FAM169A: variants seen among roughly 807,000 people sequenced by gnomAD.
The protein encoded by FAM169A is family with sequence similarity 169 member A, also known as soluble lamin-associated protein of 75 kDa.
A neutral mutation model predicts 75.7 loss-of-function variants in FAM169A; 24 were observed. The observed-to-expected ratio is 0.32, with a 90% CI of 0.23 to 0.45. FAM169A has a LOEUF of 0.45. Ranked by LOEUF, FAM169A falls within the 20% of genes least tolerant of loss-of-function variation. The pLI is 1.00. For missense variants in FAM169A, 673 were observed against 784.0 expected, an observed-to-expected ratio of 0.86 and a Z score of 1.69; for synonymous variants, 271 against 271.0, an observed-to-expected ratio of 1.00 and a Z score of 0.00.
chr5:74,860,291 A>G (rs1373696560), intron 1 of FAM169A, among the ~76,000 whole-genome samples: 2 of 152,242 alleles, frequency 1.3e-5, no homozygotes, highest in Non-Finnish European at 2.9e-5. Context: ...ACATGTATAA[A>G]AGCTTTTAGA....
At chr5:74,847,162 C>T (rs910740780) in intron 1 of FAM169A, among the ~76,000 whole-genome samples, 1 of 152,158 alleles carries the variant, frequency 6.6e-6, no homozygotes, top group African/African-American at 2.4e-5. Context: ...ACAAAATTTA[C>T]CATTTTAACC....
intron 4 of FAM169A, among the ~76,000 whole-genome samples, chr5:74,835,785 T>G (rs1266033418): frequency 6.6e-6 from 1 of 152,184 alleles, no homozygotes; most frequent in East Asian, 1.9e-4. Flanking sequence ...AGCAGCCGAC[T>G]AGCAATAGCT....
intron 5 of FAM169A, among the ~76,000 whole-genome samples, chr5:74,822,313 T>C (rs752617724): frequency 6.6e-6 from 1 of 152,226 alleles, no homozygotes; most frequent in African/African-American, 2.4e-5. Flanking sequence ...TTTTTCATTA[T>C]TTTGTAAAGA....
intron 1 of FAM169A, among the ~76,000 whole-genome samples, chr5:74,854,885 C>G (rs552057465): frequency 2.5e-4 from 38 of 152,270 alleles, no homozygotes; most frequent in African/African-American, 7.9e-4. Flanking sequence ...GCTTTCAAAT[C>G]TTAGCTATTA....
chr5:74,800,036 C>T (rs544976163), intron 10 of FAM169A: 5 of 744,126 alleles, frequency 6.7e-6, no homozygotes, highest in East Asian at 2.8e-5. Flanking sequence ...CTACTGGCAT[C>T]GATGGAGAGC....
chr5:74,814,759 A>AC (rs1481621233), intron 5 of FAM169A, among the ~76,000 whole-genome samples: 1 of 152,226 alleles, frequency 6.6e-6, no homozygotes, highest in Non-Finnish European at 1.5e-5. Context: ...CTGGGTTTTG[A>AC]CCATTCCAAT....
chr5:74,841,199 TG>T (rs1456420758), intron 2 of FAM169A, among the ~76,000 whole-genome samples: 1 of 152,230 alleles, frequency 6.6e-6, no homozygotes, highest in African/African-American at 2.4e-5. Context: ...ACAAAAAATA[TG>T]TAATTTAGTG....
In FAM169A at chr5:74,798,619, T is replaced by A. The variant is rs1307206221; in HGVS notation, c.1103+2261A>T. Among the ~76,000 whole-genome samples the A allele has an allele frequency of 5.3e-5, 8 of 152,340 alleles. No individual in the cohort carries two copies. The East Asian group carries it at 1.5e-3, about 29-fold the overall frequency. On this transcript the variant is annotated intron_variant, in intron 10 of 12. Coordinates refer to ENST00000687041, the MANE Select transcript of FAM169A (RefSeq NM_001376049.1). ...GACTAAAATAATTTGACAGTTAAAA[T>A]GGCAAAGTTATGAATTAACTAAATG...
chr5:74,800,286 C>A (rs769689517), intron 10 of FAM169A, among the ~76,000 whole-genome samples: 1 of 151,344 alleles, frequency 6.6e-6, no homozygotes, highest in Non-Finnish European at 1.5e-5. Context: ...CAATTTCATT[C>A]CATTCTTGAC....
chr5:74,857,574 A>C (rs1249512856), intron 1 of FAM169A, among the ~76,000 whole-genome samples: 1 of 62,210 alleles, frequency 1.6e-5, no homozygotes, highest in African/African-American at 8.0e-5. Context: ...TGCCGCGGGA[A>C]AAAAAAAAAA....
chr5:74,812,333 T>C (rs1747240040), intron 6 of FAM169A, among the ~76,000 whole-genome samples: 1 of 152,006 alleles, frequency 6.6e-6, no homozygotes, highest in Non-Finnish European at 1.5e-5. Context: ...TACCATGTTG[T>C]CCAGGCTGGT....
At chr5:74,863,360 T>C (rs559953826) in intron 1 of FAM169A, among the ~76,000 whole-genome samples, 1 of 152,188 alleles carries the variant, frequency 6.6e-6, no homozygotes, top group Admixed American at 6.5e-5. Flanking sequence ...GAGCTAAATA[T>C]ACAAAAAATA....
intron 9 of FAM169A, among the ~76,000 whole-genome samples, chr5:74,801,267 T>C (rs1387770033): frequency 1.3e-5 from 2 of 152,252 alleles, no homozygotes; most frequent in South Asian, 2.1e-4. Flanking sequence ...TCACGTTCCA[T>C]GTTATCTTGG....
intron 11 of FAM169A, among the ~76,000 whole-genome samples, chr5:74,787,684 G>C (rs112292120): frequency 6.6e-6 from 1 of 152,168 alleles, no homozygotes; most frequent in Admixed American, 6.5e-5. Flanking sequence ...CAAATGCAAG[G>C]TGGGCGAGCT....
At chr5:74,813,527 T>C (rs1044359525) in intron 6 of FAM169A, among the ~76,000 whole-genome samples, 3 of 152,084 alleles carry the variant, frequency 2.0e-5, no homozygotes, top group African/African-American at 7.2e-5. Flanking sequence ...AGTTTCATCA[T>C]GTTGGCCAGG....
chr5:74,845,384 A>T (rs1250936945), intron 1 of FAM169A, among the ~76,000 whole-genome samples: 1 of 151,968 alleles, frequency 6.6e-6, no homozygotes, highest in African/African-American at 2.4e-5. Context: ...CGGGCGTGGT[A>T]GTGCGTGTCT....
intron 1 of FAM169A, chr5:74,848,850 T>C (rs1173132119): frequency 6.6e-6 from 1 of 152,130 alleles, no homozygotes; most frequent in East Asian, 1.9e-4. Context: ...GAAATATAGG[T>C]TGCTATGATA....
intron 11 of FAM169A, among the ~76,000 whole-genome samples, chr5:74,789,404 C>A (rs10037100): frequency 6.6e-6 from 1 of 152,224 alleles, no homozygotes; most frequent in Non-Finnish European, 1.5e-5. Context: ...TTGGCCCCTA[C>A]TACAACCAAG....
intron 1 of FAM169A, among the ~76,000 whole-genome samples, chr5:74,864,390 C>A (rs1383135524): frequency 6.6e-6 from 1 of 152,136 alleles, no homozygotes; most frequent in Admixed American, 6.6e-5. Flanking sequence ...GCCACCACAC[C>A]CGGCTAATTT....
Sources: gnomAD v4.1 joint callset for allele counts (sites outside exome capture counted in the v4.1 genomes callset) on GRCh38, gnomAD v4.1.1 for gene constraint, MANE v1.5 for transcripts, NCBI Gene and HGNC (gene_info 2026-07-23, HGNC 2026-07-21) for gene names.